The following GRIA1 variants were observed in gnomAD, a reference collection of about 807,000 sequenced individuals.
The protein encoded by GRIA1 is glutamate ionotropic receptor AMPA type subunit 1.
In GRIA1, 31 loss-of-function variants were observed where a neutral mutation model predicts 99.2. That is an observed-to-expected ratio of 0.31 (90% CI 0.23 to 0.42). The LOEUF is 0.42. Among genes scored for constraint, GRIA1 ranks in the 10% least tolerant of loss-of-function variants. GRIA1 has a pLI of 1.00. For synonymous variants in GRIA1, 438 were observed against 432.4 expected (o/e 1.01, Z -0.16); for missense variants, 782 against 1,157.5 (o/e 0.68, Z 4.71).
Position 153,699,035 on chromosome 5 carries a change from A to G in GRIA1, c.1414A>G (p.Lys472Glu). Residue 472 changes from lysine to glutamate, a missense_variant, in exon 10 of 16, where the codon AAG (lysine) becomes GAG (glutamate). Lys to Glu is a moderately conservative substitution (Grantham distance 56). Around this residue, in one of 5 missense-constraint regions of GRIA1, gnomAD observed 87 missense variants for 184.5 expected, o/e 0.47. Coordinates refer to ENST00000285900, the MANE Select transcript of GRIA1 (RefSeq NM_000827.4). ...ATACGGAGCCCGAGACCCTGACACG[A>G]AGGCCTGGAATGGCATGGTGGGAGA... The part of the protein sequence containing the change: ...GKYGARDPDT[K>E]AWNGMVGELV... 1 of 1,613,998 alleles carries G rather than the reference A, an allele frequency of 6.2e-7. No homozygotes were observed. Among genetic ancestry groups the G allele is most frequent in the Non-Finnish European group, 8.5e-7 (1 of 1,179,930 alleles).
intron 2 of GRIA1, among the ~76,000 whole-genome samples, chr5:153,566,748 CTCT>C (rs1440168013): frequency 2.0e-5 from 2 of 102,100 alleles, no homozygotes; most frequent in African/African-American, 7.1e-5. Flanking sequence ...CGGAGTTTTG[CTCT>C]TGTCGCCCAG....
intron 2 of GRIA1, among the ~76,000 whole-genome samples, chr5:153,621,140 A>G (rs1157052400): frequency 6.6e-6 from 1 of 152,198 alleles, no homozygotes; most frequent in East Asian, 1.9e-4. Context: ...ATATACTTGC[A>G]TATCTATATT....
At chr5:153,518,758 A>G (rs956565576) in intron 2 of GRIA1, among the ~76,000 whole-genome samples, 7 of 152,238 alleles carry the variant, frequency 4.6e-5, no homozygotes, top group Admixed American at 2.6e-4. Context: ...TCACATTTAA[A>G]CTACATAAAA....
chr5:153,721,625 T>C (rs927527708), intron 11 of GRIA1, among the ~76,000 whole-genome samples: 2 of 152,224 alleles, frequency 1.3e-5, no homozygotes, highest in African/African-American at 4.8e-5. Flanking sequence ...ATAGTATCTA[T>C]TTTTTGTGTC....
rs1311796830 is a variant in GRIA1, at chr5:153,493,774, C to G, written c.83-154C>G. On this transcript the variant is annotated intron_variant, in intron 1 of 15. Transcript: ENST00000285900. ...CTGTAGGAGTTTAAGTTTCAGTGTC[C>G]AGTTAAGCCTATTTGAACTCTCATC... Among the ~76,000 whole-genome samples the G allele has an allele frequency of 3.3e-5, 5 of 152,100 alleles. No homozygotes were observed. The East Asian group carries it at 9.6e-4, about 29-fold the overall frequency.
intron 6 of GRIA1, among the ~76,000 whole-genome samples, chr5:153,676,290 A>G (rs1396093317): frequency 6.6e-6 from 1 of 152,250 alleles, no homozygotes; most frequent in African/African-American, 2.4e-5. Context: ...TTAGGAACAA[A>G]TTAGTGAAGA....
At chr5:153,795,378 A>G in intron 14 of GRIA1, 1 of 705,608 alleles carries the variant, frequency 1.4e-6, no homozygotes, top group Non-Finnish European at 2.5e-6. Flanking sequence ...AGTGCATATG[A>G]TCTTGTTCAA....
At chr5:153,567,605 G>GTTTC (rs33934933) in intron 2 of GRIA1, among the ~76,000 whole-genome samples, 1 of 152,174 alleles carries the variant, frequency 6.6e-6, no homozygotes, top group East Asian at 1.9e-4. Context: ...ACTGCCAAAT[G>GTTTC]TCAGAGAGAA....
intron 2 of GRIA1, among the ~76,000 whole-genome samples, chr5:153,592,179 C>T (rs1192739849): frequency 2.6e-5 from 4 of 152,200 alleles, no homozygotes; most frequent in Non-Finnish European, 5.9e-5. Flanking sequence ...TAGCAAGAGG[C>T]TGTATTCCTT....
At chr5:153,689,882 G>T (rs1382659217) in intron 8 of GRIA1, among the ~76,000 whole-genome samples, 1 of 152,200 alleles carries the variant, frequency 6.6e-6, no homozygotes, top group African/African-American at 2.4e-5. Flanking sequence ...TTCCCCAGTT[G>T]TTACTCCCAG....
chr5:153,704,400 G>T (rs1328346563), intron 10 of GRIA1, among the ~76,000 whole-genome samples: 5 of 152,218 alleles, frequency 3.3e-5, no homozygotes, highest in Admixed American at 6.5e-5. Flanking sequence ...CAGGCCAACA[G>T]GAGCAGTGGA....
intron 13 of GRIA1, among the ~76,000 whole-genome samples, chr5:153,774,885 T>C (rs1159631564): frequency 2.0e-5 from 3 of 152,226 alleles, no homozygotes; most frequent in Non-Finnish European, 2.9e-5. Flanking sequence ...TTTCTTCTGC[T>C]CTGGAAACAA....
intron 2 of GRIA1, among the ~76,000 whole-genome samples, chr5:153,495,984 A>G (rs565644819): frequency 6.6e-6 from 1 of 152,360 alleles, no homozygotes; most frequent in Admixed American, 6.5e-5. Context: ...AGAATCAAGA[A>G]TAAATAGCTG....
intron 11 of GRIA1, among the ~76,000 whole-genome samples, chr5:153,719,624 C>T (rs1759915437): frequency 6.6e-6 from 1 of 152,156 alleles, no homozygotes; most frequent in Admixed American, 6.5e-5. Context: ...GAAGCTGTAT[C>T]ACCTTTCATA....
At chr5:153,517,835 G>A (rs1756770087) in intron 2 of GRIA1, among the ~76,000 whole-genome samples, 1 of 152,182 alleles carries the variant, frequency 6.6e-6, no homozygotes, top group Non-Finnish European at 1.5e-5. Flanking sequence ...AGGCTAAAGT[G>A]ACTTTTTAAA....
chr5:153,518,127 G>T (rs1756801519), intron 2 of GRIA1, among the ~76,000 whole-genome samples: 1 of 152,180 alleles, frequency 6.6e-6, no homozygotes, highest in South Asian at 2.1e-4. Flanking sequence ...CTTTCTCAGA[G>T]AGTGTTCCCT....
chr5:153,792,542 AAAACAGAG>A (rs1274512464), intron 13 of GRIA1, among the ~76,000 whole-genome samples: 5 of 152,202 alleles, frequency 3.3e-5, no homozygotes, highest in African/African-American at 1.2e-4. Context: ...ACATTCCCTT[AAAACAGAG>A]AAGTAGAGGA....
At chr5:153,584,164 G>T (rs532640856) in intron 2 of GRIA1, among the ~76,000 whole-genome samples, 1 of 152,270 alleles carries the variant, frequency 6.6e-6, no homozygotes, top group South Asian at 2.1e-4. Flanking sequence ...CCTCCAAGTT[G>T]TACTCATGTT....
At chr5:153,741,935 A>T (rs557980759) in intron 11 of GRIA1, among the ~76,000 whole-genome samples, 1,203 of 87,344 alleles carry the variant, frequency 0.014, 13 homozygotes, top group African/African-American at 0.04. Context: ...AGCTTTTTTT[A>T]AAAAAAAAAA....
Sources: allele counts gnomAD v4.1 joint callset (sites outside exome capture counted in the v4.1 genomes callset), GRCh38; gene constraint gnomAD v4.1.1; regional missense constraint gnomAD v4.1.1; transcripts MANE v1.5; gene names NCBI Gene and HGNC (gene_info 2026-07-23, HGNC 2026-07-21).